DENND2A: variants seen among roughly 807,000 people sequenced by gnomAD.
DENND2A encodes DENN domain-containing protein 2A.
DENND2A carries 53 observed loss-of-function variants against 105.3 expected under a neutral mutation model. The ratio of observed to expected loss-of-function variants is 0.50; its 90% CI spans 0.40 to 0.63. DENND2A has a LOEUF of 0.63. Ranked by LOEUF, DENND2A falls within the 30% of genes least tolerant of loss-of-function variation. DENND2A has a pLI of 0.00. For synonymous variants in DENND2A, 522 were observed against 508.4 expected (o/e 1.03, Z -0.36); for missense variants, 1,138 against 1,279.6 (o/e 0.89, Z 1.69).
chr7:140,632,861 G>T (rs1403016171), intron 1 of DENND2A, among the ~76,000 whole-genome samples: 1 of 140,236 alleles, frequency 7.1e-6, no homozygotes, highest in Non-Finnish European at 1.5e-5. Context: ...CACCATGCCT[G>T]GCCTTTTTTT....
chr7:140,569,825 C>A (rs587373), intron 6 of DENND2A, 87 bp from the exon 7 acceptor site: 2 of 891,398 alleles, frequency 2.2e-6, no homozygotes, highest in Admixed American at 1.7e-5. Context: ...TCTCCTAGGA[C>A]GATGGAGGGC....
At position 140,519,704 on chromosome 7, in the gene DENND2A, G is replaced by A. The variant is rs1795784386; in HGVS notation, c.2926C>T (p.Arg976Ter). Residue 976 changes from arginine (R) to a stop codon, truncating the protein, a stop_gained, in exon 19 of 20, where the codon CGA (arginine) becomes TGA (stop). Coordinates refer to ENST00000496613, the MANE Select transcript of DENND2A (RefSeq NM_015689.5). LOFTEE classifies it high-confidence loss of function. The part of the protein sequence containing the change: ...RQDAKGLFEV[R>*]AQEYLETLPS... ...AGTGTTTCCAGATACTCTTGGGCTC[G>A]GACCTCAAACAGACCTGTTAACAAG... The A allele has an allele frequency of 3.1e-6, 5 of 1,614,058 alleles. No individual in the cohort carries two copies. The highest frequency in any genetic ancestry group is 2.2e-5 in the East Asian group (1 of 44,866).
chr7:140,568,907 T>A, intron 7 of DENND2A, 94 bp from the exon 8 acceptor site: 1 of 1,301,326 alleles, frequency 7.7e-7, no homozygotes. Context: ...AATGTTCTAA[T>A]TCAGAGGGGA....
At chr7:140,532,263 C>T (rs183122988) in intron 14 of DENND2A, among the ~76,000 whole-genome samples, 15 of 152,028 alleles carry the variant, frequency 9.9e-5, no homozygotes, top group African/African-American at 2.7e-4. Context: ...AGTGAGACTC[C>T]GTCTCAAAAA....
rs1801138445 is a variant in DENND2A, at chr7:140,640,159, A to G, written c.-248+345T>C. 2.0e-5 allele frequency: 3 copies of G among 152,432 alleles called. No homozygotes were observed. The highest frequency in any genetic ancestry group is 1.3e-4 in the Admixed American group (2 of 15,196). 9.4% of individuals were successfully genotyped at this position (152,432 alleles called of 1,614,324 possible). ...CACACAGACACACAAGCGCGCACACACACACACGCGCGCGCGCGGACACAC... is the reference window on the plus strand; with the variant it reads ...CACACAGACACACAAGCGCGCACACGCACACACGCGCGCGCGCGGACACAC... On this transcript the variant is annotated intron_variant, in intron 1 of 19. Coordinates refer to ENST00000496613, the MANE Select transcript of DENND2A (RefSeq NM_015689.5). This position sits in a 1 kb window ranked among gnomAD's most constrained non-coding sequence, Gnocchi z 4.9.
chr7:140,551,299 CAAAAAAA>C (rs529992901), intron 12 of DENND2A, among the ~76,000 whole-genome samples: 11 of 71,728 alleles, frequency 1.5e-4, no homozygotes, highest in East Asian at 1.5e-3. Context: ...GACTCCATCT[CAAAAAAA>C]AAAAAAAAAA....
At chr7:140,596,943 C>A (rs931989759) in intron 3 of DENND2A, among the ~76,000 whole-genome samples, 1 of 152,140 alleles carries the variant, frequency 6.6e-6, no homozygotes, top group African/African-American at 2.4e-5. Flanking sequence ...GTTGTAGGAA[C>A]CTTATCTTTG....
chr7:140,618,819 T>C (rs1412808155), intron 1 of DENND2A, among the ~76,000 whole-genome samples: 1 of 152,190 alleles, frequency 6.6e-6, no homozygotes, highest in African/African-American at 2.4e-5. Context: ...TTTTTCTTTT[T>C]CTGAGACGGA....
intron 3 of DENND2A, among the ~76,000 whole-genome samples, chr7:140,588,045 G>A (rs1798860312): frequency 6.6e-6 from 1 of 152,112 alleles, no homozygotes; most frequent in Non-Finnish European, 1.5e-5. Flanking sequence ...AGAGAAGCTG[G>A]GACTATAGGC....
At chr7:140,537,427 A>G (rs979417621) in intron 14 of DENND2A, among the ~76,000 whole-genome samples, 9 of 152,216 alleles carry the variant, frequency 5.9e-5, no homozygotes, top group Admixed American at 2.0e-4. Context: ...CTACAAACAT[A>G]TAAGTCAATT....
rs747452713 is a variant in DENND2A at position 140,601,805 on chromosome 7, C to T, written c.593G>A (p.Gly198Glu). Residue 198 changes from glycine to glutamate, a missense_variant, in exon 3 of 20, where the codon GGG (glycine) becomes GAG (glutamate). Gly to Glu is a moderately conservative substitution (Grantham distance 98). Coordinates refer to ENST00000496613, the MANE Select transcript of DENND2A (RefSeq NM_015689.5). The stretch of plus-strand genomic sequence containing the variant: ...TCCCAGGTTCTCAGGAAGGGTGGAC[C>T]CTGCCTCTGCCTTGTCAGGAGGGCA... ...PHCPPDKAEAGSTLPENLGGG... is the reference protein window; with the variant it reads ...PHCPPDKAEAESTLPENLGGG... 1.2e-6 allele frequency: 2 copies of T among 1,614,096 alleles called. No individual in the cohort carries two copies. The highest frequency in any genetic ancestry group is 1.7e-6 in the Non-Finnish European group (2 of 1,180,016).
chr7:140,572,194 A>G (rs1203985929), intron 6 of DENND2A, among the ~76,000 whole-genome samples: 1 of 151,634 alleles, frequency 6.6e-6, no homozygotes, highest in Non-Finnish European at 1.5e-5. Context: ...TTTTGTAGAG[A>G]TGGGGTTCCA....
At position 140,552,340 on chromosome 7, in the gene DENND2A, CCTCT is replaced by C. The variant is rs560033744; in HGVS notation, c.2037+3292_2037+3295del. On this transcript the variant is annotated intron_variant, in intron 12 of 19. Coordinates refer to ENST00000496613, the MANE Select transcript of DENND2A (RefSeq NM_015689.5). ...CTTTCATTTTCCCTTCCTTCCTTTC[CCTCT>C]CTCTCTCCCTTCCTCCCTCCCTCTC... 2.0e-5 allele frequency among the ~76,000 whole-genome samples: 3 copies of C among 150,594 alleles called. No individual in the cohort carries two copies. In the East Asian group the frequency reaches 5.8e-4, roughly 29 times the overall value.
chr7:140,636,532 G>A (rs752056873), intron 1 of DENND2A, among the ~76,000 whole-genome samples: 19 of 152,080 alleles, frequency 1.2e-4, no homozygotes, highest in Non-Finnish European at 2.4e-4. Context: ...CTGAGTTTCC[G>A]TCCCGCCCTG....
At chr7:140,583,134 A>G (rs1798611269) in intron 5 of DENND2A, among the ~76,000 whole-genome samples, 1 of 151,912 alleles carries the variant, frequency 6.6e-6, no homozygotes, top group Non-Finnish European at 1.5e-5. Flanking sequence ...TACTAAAAAA[A>G]AAATACAAAA....
chr7:140,633,807 C>T (rs1462582249), intron 1 of DENND2A, among the ~76,000 whole-genome samples: 1 of 151,956 alleles, frequency 6.6e-6, no homozygotes, highest in Non-Finnish European at 1.5e-5. Flanking sequence ...ACCTCTGTTG[C>T]CCAGGCTGGA....
At chr7:140,589,044 C>T (rs932156942) in intron 3 of DENND2A, among the ~76,000 whole-genome samples, 4 of 151,978 alleles carry the variant, frequency 2.6e-5, no homozygotes, top group Admixed American at 2.0e-4. Context: ...TGCCCGGCCT[C>T]TTATACACAT....
chr7:140,605,187 A>G (rs1362743619), intron 2 of DENND2A, among the ~76,000 whole-genome samples: 1 of 152,148 alleles, frequency 6.6e-6, no homozygotes, highest in Non-Finnish European at 1.5e-5. Context: ...GAGTTTCTAG[A>G]GTTCCTGTTT....
intron 11 of DENND2A, among the ~76,000 whole-genome samples, chr7:140,557,694 C>T (rs1797434282): frequency 6.9e-6 from 1 of 145,648 alleles, no homozygotes. Flanking sequence ...CGCGTGCCAC[C>T]ATGCCCGGCT....
Sources: allele counts gnomAD v4.1 joint callset (sites outside exome capture counted in the v4.1 genomes callset), GRCh38; gene constraint gnomAD v4.1.1; non-coding constraint Gnocchi (gnomAD v3.1); transcripts MANE v1.5; gene names NCBI Gene and HGNC (gene_info 2026-07-23, HGNC 2026-07-21).